NOL4L: variants seen among roughly 807,000 people sequenced by gnomAD.
NOL4L encodes the protein nucleolar protein 4-like.
In NOL4L, 7 loss-of-function variants were observed where a neutral mutation model predicts 64.5. The observed-to-expected ratio is 0.11, with a 90% CI of 0.06 to 0.20. The LOEUF is 0.20. NOL4L is among the 10% of genes least tolerant of loss of function. The pLI is 1.00. For synonymous variants in NOL4L, 413 were observed against 401.0 expected (o/e 1.03, Z -0.36); for missense variants, 680 against 967.1 (o/e 0.70, Z 3.94).
intron 4 of NOL4L, among the ~76,000 whole-genome samples, chr20:32,498,067 T>G (rs2016768291): frequency 6.6e-6 from 1 of 152,224 alleles, no homozygotes; most frequent in Admixed American, 6.5e-5. Flanking sequence ...GGTGGAGGTC[T>G]GCAGCCCGGA....
At chr20:32,454,518 C>T (rs1600638809) in intron 6 of NOL4L, among the ~76,000 whole-genome samples, 1 of 152,230 alleles carries the variant, frequency 6.6e-6, no homozygotes, top group Non-Finnish European at 1.5e-5. Flanking sequence ...AGCCCCTCAA[C>T]CATCTCTCCT....
intron 1 of NOL4L, among the ~76,000 whole-genome samples, chr20:32,566,913 A>G (rs1017951154): frequency 8.5e-5 from 13 of 152,318 alleles, no homozygotes; most frequent in Admixed American, 5.9e-4. Flanking sequence ...ATGCCTCCAG[A>G]GTAGAGTGTC....
At chr20:32,583,482 A>G (rs962606997) in intron 1 of NOL4L, among the ~76,000 whole-genome samples, 1 of 75,052 alleles carries the variant, frequency 1.3e-5, no homozygotes, top group African/African-American at 5.1e-5. Context: ...CGGGGGAGGG[A>G]GGGAGGCCGG....
chr20:32,535,000 A>G (rs2018469675), intron 1 of NOL4L, among the ~76,000 whole-genome samples: 1 of 152,008 alleles, frequency 6.6e-6, no homozygotes, highest in South Asian at 2.1e-4. Context: ...GGGAGGAGTC[A>G]GTCTCCTGCA....
At chr20:32,583,885 C>A in intron 1 of NOL4L, among the ~76,000 whole-genome samples, 1 of 58 alleles carries the variant, frequency 0.017, no homozygotes, top group East Asian at 0.5. Flanking sequence ...AGGCCTCCCC[C>A]GTCCCATGAA....
At chr20:32,502,867 A>G (rs2016981739) in intron 4 of NOL4L, among the ~76,000 whole-genome samples, 2 of 152,296 alleles carry the variant, frequency 1.3e-5, no homozygotes, top group South Asian at 4.1e-4. Flanking sequence ...CCGAGATCAC[A>G]TCATTGCACT....
chr20:32,485,401 A>G (rs2034456674), intron 4 of NOL4L: 1 of 210,608 alleles, frequency 4.7e-6, no homozygotes, highest in South Asian at 6.3e-5. Flanking sequence ...TTCAGAGCCC[A>G]GCGTTTACCC....
chr20:32,461,049 G>A (rs979964882), intron 5 of NOL4L, among the ~76,000 whole-genome samples: 3 of 152,216 alleles, frequency 2.0e-5, no homozygotes, highest in African/African-American at 4.8e-5. Context: ...GGACGGTGGG[G>A]CGAGGGCTGA....
At chr20:32,569,961 T>C (rs971681424) in intron 1 of NOL4L, among the ~76,000 whole-genome samples, 2 of 152,312 alleles carry the variant, frequency 1.3e-5, no homozygotes, top group Non-Finnish European at 2.9e-5. Context: ...TTTCTTGTGT[T>C]AGTCTGAGTT....
intron 6 of NOL4L, among the ~76,000 whole-genome samples, chr20:32,455,903 C>T (rs1600643778): frequency 6.6e-6 from 1 of 152,296 alleles, no homozygotes; most frequent in Non-Finnish European, 1.5e-5. Flanking sequence ...TTCACAGGCT[C>T]GGAGAAGGGG....
At chr20:32,479,858 C>A (rs1436030842) in intron 4 of NOL4L, among the ~76,000 whole-genome samples, 1 of 152,238 alleles carries the variant, frequency 6.6e-6, no homozygotes, top group Non-Finnish European at 1.5e-5. Flanking sequence ...CCTGGGAGCC[C>A]TGCCTCTGGG....
chr20:32,535,794 G>C (rs2018501832), intron 1 of NOL4L: 3 of 985,302 alleles, frequency 3.0e-6, no homozygotes, highest in East Asian at 1.1e-4. Flanking sequence ...GGCACAGTGG[G>C]CCACAGTGCC....
chr20:32,583,061 C>G (rs1301644611), intron 1 of NOL4L, among the ~76,000 whole-genome samples: 1 of 152,142 alleles, frequency 6.6e-6, no homozygotes, highest in Non-Finnish European at 1.5e-5. Context: ...TCGGGGAGCC[C>G]GGTCCCGGCG....
At position 32,541,156 on chromosome 20, in the gene NOL4L, CCT is replaced by C. The variant is rs1451531899; in HGVS notation, c.322-13245_322-13244del. 2.0e-5 allele frequency among the ~76,000 whole-genome samples: 3 copies of C among 152,228 alleles called. No individual in the cohort carries two copies. In the East Asian group the frequency reaches 5.8e-4, roughly 29 times the overall value. ...ATGGGGATACTAGCCCGTGTCAGCCCCTGTTTATTTTCCCCAGGGCACTGGAC... is the reference window on the plus strand; with the variant it reads ...ATGGGGATACTAGCCCGTGTCAGCCCGTTTATTTTCCCCAGGGCACTGGAC... On this transcript the variant is annotated intron_variant, in intron 1 of 10. Coordinates refer to ENST00000621426, the MANE Select transcript of NOL4L (RefSeq NM_001256798.2).
At chr20:32,542,806 TAA>T (rs2018676499) in intron 1 of NOL4L, among the ~76,000 whole-genome samples, 1 of 152,236 alleles carries the variant, frequency 6.6e-6, no homozygotes, top group Non-Finnish European at 1.5e-5. Context: ...GTGCTATATA[TAA>T]GTCATTGCCG....
At chr20:32,512,556 G>T (rs1478590510) in intron 3 of NOL4L, among the ~76,000 whole-genome samples, 3 of 152,182 alleles carry the variant, frequency 2.0e-5, no homozygotes, top group Non-Finnish European at 2.9e-5. Context: ...AGTACAGAAA[G>T]ATGTAAAGAA....
chr20:32,457,091 G>A (rs943016318), intron 5 of NOL4L, among the ~76,000 whole-genome samples: 1 of 152,252 alleles, frequency 6.6e-6, no homozygotes, highest in Non-Finnish European at 1.5e-5. Context: ...CCTGCCCGGC[G>A]TCTCAGGGTG....
intron 1 of NOL4L, chr20:32,582,200 G>A (rs145238371): frequency 2.0e-5 from 3 of 152,352 alleles, no homozygotes; most frequent in Non-Finnish European, 4.4e-5. Flanking sequence ...TGTCGAGGGA[G>A]GGCACGTCTG....
At position 32,580,719 on chromosome 20, in the gene NOL4L, C is replaced by A. The variant is rs111452908; in HGVS notation, c.321+3851G>T. Among the ~76,000 whole-genome samples the A allele has an allele frequency of 2.4e-3, 363 of 152,318 alleles. 2 individuals carry two copies. The highest frequency in any genetic ancestry group is 0.024 in the Middle Eastern group (7 of 294). ...ACCCTGTTCCAGTCCTGGCTCTCAA[C>A]AAATGGAAACTTCCTCTCTCTAGGC... On this transcript the variant is annotated intron_variant, in intron 1 of 10. Coordinates refer to ENST00000621426, the MANE Select transcript of NOL4L (RefSeq NM_001256798.2).
Sources: gnomAD v4.1 joint callset for allele counts (sites outside exome capture counted in the v4.1 genomes callset) on GRCh38, gnomAD v4.1.1 for gene constraint, MANE v1.5 for transcripts, NCBI Gene and HGNC (gene_info 2026-07-23, HGNC 2026-07-21) for gene names.